Variants in PTPN2 observed in about 807,000 individuals in gnomAD.
PTPN2 encodes the protein protein tyrosine phosphatase non-receptor type 2.
In PTPN2, 19 loss-of-function variants were observed where a neutral mutation model predicts 57.3. The ratio of observed to expected loss-of-function variants is 0.33; its 90% CI spans 0.23 to 0.49. The LOEUF is 0.49. PTPN2 is among the 20% of genes least tolerant of loss of function. The probability of loss-of-function intolerance (pLI) is 0.99; values close to 1 mark genes in which losing one functional copy is unlikely to be tolerated. For synonymous variants in PTPN2, 153 were observed against 164.9 expected (o/e 0.93, Z 0.55); for missense variants, 358 against 501.1 (o/e 0.71, Z 2.73).
At chr18:12,834,813 C>G (rs2042796094) in intron 3 of PTPN2, among the ~76,000 whole-genome samples, 1 of 151,854 alleles carries the variant, frequency 6.6e-6, no homozygotes, top group East Asian at 1.9e-4. Flanking sequence ...TGGAGAAGAA[C>G]AGTACAGAGG....
intron 2 of PTPN2, among the ~76,000 whole-genome samples, chr18:12,854,673 AT>A (rs780357909): frequency 6.6e-6 from 1 of 152,084 alleles, no homozygotes; most frequent in South Asian, 2.1e-4. Flanking sequence ...TGCAGATGAG[AT>A]TTGGGGTTAT....
intron 1 of PTPN2, among the ~76,000 whole-genome samples, chr18:12,867,937 G>C (rs2044047663): frequency 6.6e-6 from 1 of 152,154 alleles, no homozygotes; most frequent in Admixed American, 6.5e-5. Context: ...CAATGATCTT[G>C]GGGTGAATTT....
At chr18:12,883,084 C>G (rs2044716684) in intron 1 of PTPN2, among the ~76,000 whole-genome samples, 1 of 152,136 alleles carries the variant, frequency 6.6e-6, no homozygotes, top group Admixed American at 6.5e-5. Flanking sequence ...TGAACAGGCA[C>G]GATTAGGGCG....
At chr18:12,866,959 C>T (rs762420475) in intron 1 of PTPN2, among the ~76,000 whole-genome samples, 3 of 151,292 alleles carry the variant, frequency 2.0e-5, no homozygotes, top group Admixed American at 6.6e-5. Flanking sequence ...GAGCCGAGAT[C>T]GCGCCACTCA....
chr18:12,850,267 G>A (rs1031148532), intron 2 of PTPN2, among the ~76,000 whole-genome samples: 5 of 152,126 alleles, frequency 3.3e-5, no homozygotes, highest in Non-Finnish European at 5.9e-5. Context: ...GAGGCAGGCA[G>A]ATCACTTAAG....
chr18:12,822,264 C>T (rs1013179315), intron 5 of PTPN2, among the ~76,000 whole-genome samples: 2 of 152,048 alleles, frequency 1.3e-5, no homozygotes, highest in African/African-American at 2.4e-5. Context: ...TCTCATCTTG[C>T]TAAATCTTTA....
intron 8 of PTPN2, among the ~76,000 whole-genome samples, chr18:12,796,529 G>T (rs1484855578): frequency 6.6e-6 from 1 of 152,104 alleles, no homozygotes. Context: ...GAGATTGTTA[G>T]TGGGAATGTA....
chr18:12,804,304 A>AG (rs1267102012), intron 7 of PTPN2, among the ~76,000 whole-genome samples: 72 of 150,754 alleles, frequency 4.8e-4, no homozygotes, highest in Middle Eastern at 3.5e-3. Flanking sequence ...AAAAAAAAAA[A>AG]AAAAAGAAAA....
At chr18:12,851,844 A>C (rs1384806575) in intron 2 of PTPN2, among the ~76,000 whole-genome samples, 1 of 152,224 alleles carries the variant, frequency 6.6e-6, no homozygotes, top group Non-Finnish European at 1.5e-5. Flanking sequence ...GTAACCTGAC[A>C]CTACCAGAAT....
rs545513872 is a variant in PTPN2, at chr18:12,879,501, T to A, written c.69+4572A>T. On this transcript the variant is annotated intron_variant, in intron 1 of 8. Coordinates refer to ENST00000309660, the MANE Select transcript of PTPN2 (RefSeq NM_002828.4). The stretch of plus-strand genomic sequence containing the variant: ...CATTCATTCAGCACATATTTTCAAG[T>A]GCTTACTAAGCACCTGATACTGTGC... Among the ~76,000 whole-genome samples, 3 of 152,206 alleles carry A rather than the reference T, an allele frequency of 2.0e-5. No homozygotes were observed. In the South Asian group the frequency reaches 6.2e-4, roughly 32 times the overall value.
intron 1 of PTPN2, among the ~76,000 whole-genome samples, chr18:12,873,717 A>C (rs1007806216): frequency 4.5e-4 from 69 of 152,110 alleles, no homozygotes; most frequent in Middle Eastern, 3.4e-3. Context: ...CACCCCGTCT[A>C]GGAAGTGAGG....
chr18:12,788,678 G>C (rs780311180), downstream of PTPN2, among the ~76,000 whole-genome samples: 8 of 151,980 alleles, frequency 5.3e-5, no homozygotes, highest in Non-Finnish European at 1.0e-4. Context: ...TACAGTCGGC[G>C]ATGGCTTCAT....
chr18:12,811,973 T>C (rs1172940101), intron 7 of PTPN2, among the ~76,000 whole-genome samples: 1 of 152,206 alleles, frequency 6.6e-6, no homozygotes, highest in Non-Finnish European at 1.5e-5. Flanking sequence ...GCAATTAAAC[T>C]TCAAATCCTC....
intron 4 of PTPN2, among the ~76,000 whole-genome samples, chr18:12,827,872 C>A (rs1159176356): frequency 1.3e-5 from 2 of 152,002 alleles, no homozygotes; most frequent in African/African-American, 2.4e-5. Context: ...ACAAATATTT[C>A]TTTAACAAAA....
intron 1 of PTPN2, among the ~76,000 whole-genome samples, chr18:12,879,925 A>AC (rs1403195847): frequency 3.3e-5 from 5 of 152,218 alleles, no homozygotes; most frequent in Non-Finnish European, 7.3e-5. Flanking sequence ...GCAGAAAGCC[A>AC]CCTTAAACAC....
At chr18:12,850,114 G>C in intron 2 of PTPN2, among the ~76,000 whole-genome samples, 1 of 151,952 alleles carries the variant, frequency 6.6e-6, no homozygotes, top group Middle Eastern at 3.4e-3. Context: ...CTTTGTTGTT[G>C]TTACTTCTTT....
Position 12,792,325 on chromosome 18 carries a change from C to T in PTPN2, c.*1953G>A, listed in dbSNP as rs1432545038. 2.7e-5 allele frequency: 21 copies of T among 788,672 alleles called. No individual in the cohort carries two copies. Among genetic ancestry groups the T allele is most frequent in the Non-Finnish European group, 3.2e-5 (21 of 657,938 alleles). 48.9% of individuals were successfully genotyped at this position (788,672 alleles called of 1,614,324 possible). A position where few individuals can be genotyped will look rare whatever the true frequency, so the allele number is the denominator to read the frequency against. On this transcript the variant is annotated 3_prime_UTR_variant, in exon 9 of 9. Coordinates refer to ENST00000309660, the MANE Select transcript of PTPN2 (RefSeq NM_002828.4). ...TTGAGACGAAGTCTTGCTCTGTTGC[C>T]AGGCTGGAGTGCAGTGGTGCAATCT...
intron 2 of PTPN2, among the ~76,000 whole-genome samples, chr18:12,842,158 G>A (rs2043066743): frequency 6.6e-6 from 1 of 152,020 alleles, no homozygotes; most frequent in African/African-American, 2.4e-5. Flanking sequence ...CACCTGCCTC[G>A]GCCTCCCAAA....
chr18:12,873,744 C>A (rs2044360256), intron 1 of PTPN2, among the ~76,000 whole-genome samples: 1 of 151,808 alleles, frequency 6.6e-6, no homozygotes, highest in Non-Finnish European at 1.5e-5. Flanking sequence ...TCTGCCTGGC[C>A]ACCCATCGTC....
Sources: allele counts gnomAD v4.1 joint callset (sites outside exome capture counted in the v4.1 genomes callset), GRCh38; gene constraint gnomAD v4.1.1; transcripts MANE v1.5; gene names NCBI Gene and HGNC (gene_info 2026-07-23, HGNC 2026-07-21).